The following ERMP1 variants were observed in gnomAD, a reference collection of about 807,000 sequenced individuals.
The protein encoded by ERMP1 is Felix-ina.
Under a neutral mutation model 92.0 loss-of-function variants are expected in ERMP1, and 86 were observed. That is an observed-to-expected ratio of 0.93 (90% CI 0.79 to 1.12). The LOEUF (loss-of-function observed/expected upper bound fraction) is 1.12, where lower values mean the gene tolerates loss of function less well. Ranked by LOEUF, ERMP1 falls within the 50% of genes most tolerant of loss-of-function variation. The pLI, the probability that ERMP1 is intolerant of heterozygous loss-of-function variation, is 0.00. For missense variants in ERMP1, 1,342 were observed against 1,116.3 expected (o/e 1.20, Z -2.88); for synonymous variants, 530 against 412.8 (o/e 1.28, Z -3.44).
Position 5,787,061 on chromosome 9 carries a change from G to T in ERMP1, c.*83C>A. 2 of 1,338,178 alleles carry T rather than the reference G, an allele frequency of 1.5e-6. No individual in the cohort carries two copies. Among genetic ancestry groups the T allele is most frequent in the Non-Finnish European group, 1.0e-6 (1 of 974,424 alleles). 82.9% of individuals were successfully genotyped at this position (1,338,178 alleles called of 1,614,324 possible). On this transcript the variant is annotated 3_prime_UTR_variant, in exon 15 of 15. Transcript: ENST00000339450. The stretch of plus-strand genomic sequence containing the variant: ...TGATCATTAAAATTCATTGACTTAC[G>T]TTACAAACATCCACGTAACATAGGG...
At chr9:5,853,660 G>A (rs754508554) in intron 6 of ERMP1, among the ~76,000 whole-genome samples, 16 of 151,818 alleles carry the variant, frequency 1.1e-4, no homozygotes, top group Non-Finnish European at 1.3e-4. Flanking sequence ...CAAGTGCTCC[G>A]TGCCTACCCT....
At chr9:5,808,801 A>G (rs950452695) in intron 8 of ERMP1, among the ~76,000 whole-genome samples, 1 of 152,158 alleles carries the variant, frequency 6.6e-6, no homozygotes, top group African/African-American at 2.4e-5. Context: ...GCAGTGGTAC[A>G]ATCACAGCTC....
chr9:5,827,309 C>T (rs1829763186), intron 2 of ERMP1, among the ~76,000 whole-genome samples: 1 of 152,056 alleles, frequency 6.6e-6, no homozygotes, highest in Non-Finnish European at 1.5e-5. Flanking sequence ...GAAGAACTGT[C>T]TTGGGCCACA....
chr9:5,839,594 C>G (rs572701800), intron 6 of ERMP1, among the ~76,000 whole-genome samples: 7 of 152,296 alleles, frequency 4.6e-5, no homozygotes, highest in Admixed American at 1.3e-4. Context: ...CTCAGCACAT[C>G]TAGGTGTGCG....
At chr9:5,844,096 A>C (rs966070714) in intron 6 of ERMP1, among the ~76,000 whole-genome samples, 1 of 152,094 alleles carries the variant, frequency 6.6e-6, no homozygotes, top group African/African-American at 2.4e-5. Context: ...TTTCCTTACC[A>C]GGGGTAAGGA....
chr9:5,800,544 C>T (rs1195063603), intron 11 of ERMP1, among the ~76,000 whole-genome samples: 7 of 152,048 alleles, frequency 4.6e-5, no homozygotes, highest in Admixed American at 1.3e-4. Context: ...GGCGTGGTGG[C>T]GAGCGCCTGT....
At chr9:5,809,567 C>G (rs1454720088) in intron 8 of ERMP1, among the ~76,000 whole-genome samples, 1 of 152,172 alleles carries the variant, frequency 6.6e-6, no homozygotes. Context: ...TTTTAGGCAA[C>G]AAATACTTGC....
intron 13 of ERMP1, among the ~76,000 whole-genome samples, chr9:5,793,641 G>A (rs952305172): frequency 6.6e-6 from 1 of 152,032 alleles, no homozygotes; most frequent in Non-Finnish European, 1.5e-5. Flanking sequence ...GAAAGTAGGA[G>A]AGCAATATTA....
At chr9:5,813,091 A>C in intron 4 of ERMP1, 56 bp from the exon 5 acceptor site, 1 of 1,587,874 alleles carries the variant, frequency 6.3e-7, no homozygotes, top group South Asian at 1.1e-5. Flanking sequence ...TTTTTAACAT[A>C]CTAATGTTTT....
At position 5,819,827 on chromosome 9, in the gene ERMP1, T is replaced by C. The variant is rs550074409; in HGVS notation, c.874+4069A>G. Among the ~76,000 whole-genome samples, 3 of 152,210 alleles carry C rather than the reference T, an allele frequency of 2.0e-5. No homozygotes were observed. In the South Asian group the frequency reaches 6.2e-4, roughly 32 times the overall value. ...ATGAAATGTCTACAGCAGGAAAATCTATAGAGACACAAAGTAGACAGGCAG... is the reference window on the plus strand; with the variant it reads ...ATGAAATGTCTACAGCAGGAAAATCCATAGAGACACAAAGTAGACAGGCAG... On this transcript the variant is annotated intron_variant, in intron 4 of 14. Coordinates refer to ENST00000339450, the MANE Select transcript of ERMP1 (RefSeq NM_024896.3).
intron 4 of ERMP1, among the ~76,000 whole-genome samples, chr9:5,819,094 C>T (rs917629062): frequency 2.0e-5 from 3 of 152,146 alleles, no homozygotes; most frequent in Non-Finnish European, 2.9e-5. Context: ...TGAAAATATA[C>T]GTTTACACAA....
At chr9:5,831,876 G>A (rs1829953819) in intron 1 of ERMP1, among the ~76,000 whole-genome samples, 1 of 152,144 alleles carries the variant, frequency 6.6e-6, no homozygotes, top group Non-Finnish European at 1.5e-5. Flanking sequence ...TCTTTTCACT[G>A]CATTCCAAGT....
At chr9:5,840,751 G>A (rs1018384854) in intron 6 of ERMP1, among the ~76,000 whole-genome samples, 3 of 152,216 alleles carry the variant, frequency 2.0e-5, no homozygotes, top group Non-Finnish European at 4.4e-5. Context: ...GGGTTGTCCT[G>A]AGGCCCTAGA....
chr9:5,859,087 T>C (rs1586844713), intron 6 of ERMP1, among the ~76,000 whole-genome samples: 1 of 152,120 alleles, frequency 6.6e-6, no homozygotes, highest in Non-Finnish European at 1.5e-5. Flanking sequence ...TAGCAAGAGG[T>C]GAATTTAGAC....
rs1002300056 is a variant in ERMP1, at chr9:5,828,882, C to T, written c.640+1845G>A. Among the ~76,000 whole-genome samples, 18 of 152,174 alleles carry T rather than the reference C, an allele frequency of 1.2e-4. No homozygotes were observed. The Middle Eastern group carries it at 0.01, about 86-fold the overall frequency. On this transcript the variant is annotated intron_variant, in intron 2 of 14. Transcript: ENST00000339450. The stretch of plus-strand genomic sequence containing the variant: ...CAACCATGGTGTTTATTTGCCGCTT[C>T]CCAGAATTTAAGCATCATAATAGTG...
Position 5,801,272 on chromosome 9 carries a change from C to T in ERMP1, c.1971G>A (p.Leu657=). 6.2e-7 allele frequency: 1 copy of T among 1,613,336 alleles called. No individual in the cohort carries two copies. The highest frequency in any genetic ancestry group is 1.1e-5 in the South Asian group (1 of 90,932). The change falls in exon 11 of 15, where the codon TTG becomes TTA. Residue 657 remains leucine (L), a synonymous_variant. Transcript: ENST00000339450. ...STKKTMLTLT[L]VCAITFLLVC... ...CAAGGAGGAATGTAATTGCACATAC[C>T]AAAGTTAAAGTTAGCATGGTTTTTT...
At chr9:5,808,914 T>C (rs539887574) in intron 8 of ERMP1, among the ~76,000 whole-genome samples, 20 of 152,182 alleles carry the variant, frequency 1.3e-4, no homozygotes, top group Admixed American at 1.1e-3. Flanking sequence ...ATTTTTTGTA[T>C]TTTTTGTGGA....
chr9:5,800,183 T>G (rs1009610627), intron 11 of ERMP1, among the ~76,000 whole-genome samples: 19 of 152,336 alleles, frequency 1.2e-4, no homozygotes, highest in Non-Finnish European at 1.3e-4. Context: ...AAATATACAA[T>G]ATGTTAGTAT....
intron 3 of ERMP1, among the ~76,000 whole-genome samples, chr9:5,824,205 T>C (rs3824445): frequency 0.35 from 53,596 of 151,970 alleles, 10,156 homozygotes; most frequent in East Asian, 0.59. Flanking sequence ...GAAAGTCACC[T>C]ATCACAGAAG....
Sources: gnomAD v4.1 joint callset for allele counts (sites outside exome capture counted in the v4.1 genomes callset) on GRCh38, gnomAD v4.1.1 for gene constraint, MANE v1.5 for transcripts, NCBI Gene and HGNC (gene_info 2026-07-23, HGNC 2026-07-21) for gene names.